TMEM114: variants seen among roughly 807,000 people sequenced by gnomAD.
TMEM114 encodes the protein claudin-26.
TMEM114 carries 6 observed loss-of-function variants against 6.2 expected under a neutral mutation model. The ratio of observed to expected loss-of-function variants is 0.97; its 90% confidence interval spans 0.53 to 1.91. The LOEUF (loss-of-function observed/expected upper bound fraction) is 1.91, where lower values mean the gene tolerates loss of function less well. Ranked by LOEUF, TMEM114 falls within the 40% of genes most tolerant of loss-of-function variation. TMEM114 has a pLI of 0.01. For missense variants in TMEM114, 218 were observed against 158.3 expected, an observed-to-expected ratio of 1.38 and a Z score of -2.02; for synonymous variants, 104 against 73.0, an observed-to-expected ratio of 1.42 and a Z score of -2.16.
chr16:8,532,423 C>G, the TMEM114 span, among the ~76,000 whole-genome samples: 2 of 151,988 alleles, frequency 1.3e-5, no homozygotes, highest in African/African-American at 4.8e-5. Flanking sequence ...TGAATCTGAC[C>G]CTAGTATTAT....
chr16:8,533,207 T>C (rs929721289), downstream of TMEM114, among the ~76,000 whole-genome samples: 2 of 152,140 alleles, frequency 1.3e-5, no homozygotes, highest in East Asian at 1.9e-4. Flanking sequence ...AAGTAATTGA[T>C]GGAGAATTGT....
At chr16:8,565,027 G>A (rs1429006046), downstream of TMEM114, among the ~76,000 whole-genome samples, 3 of 151,860 alleles carry the variant, frequency 2.0e-5, no homozygotes, top group Non-Finnish European at 4.4e-5. Flanking sequence ...ATACATGAGT[G>A]AGTGAATGAG....
intron 2 of TMEM114, among the ~76,000 whole-genome samples, chr16:8,559,082 A>T (rs1280820437): frequency 1.3e-5 from 2 of 151,026 alleles, no homozygotes; most frequent in Non-Finnish European, 2.9e-5. Flanking sequence ...TTGCTGTGTC[A>T]CCCAGGCTGG....
chr16:8,543,545 C>A (rs1032108673), intron 2 of TMEM114, among the ~76,000 whole-genome samples: 4 of 151,912 alleles, frequency 2.6e-5, no homozygotes, highest in Non-Finnish European at 5.9e-5. Flanking sequence ...CTAGGACACC[C>A]CTCCCACCGA....
downstream of TMEM114, among the ~76,000 whole-genome samples, chr16:8,565,830 T>C (rs539021299): frequency 1.2e-4 from 19 of 152,280 alleles, no homozygotes; most frequent in African/African-American, 4.6e-4. Context: ...TGCATTTGGC[T>C]CCATTGGGGC....
At chr16:8,563,590 T>TGAGA (rs1166853348) in intron 2 of TMEM114, among the ~76,000 whole-genome samples, 1 of 19,588 alleles carries the variant, frequency 5.1e-5, no homozygotes, top group Non-Finnish European at 1.3e-4. Context: ...AGTGAGTGAA[T>TGAGA]GAGTGTGTGA....
intron 2 of TMEM114, among the ~76,000 whole-genome samples, chr16:8,550,106 G>C (rs1387519424): frequency 6.6e-6 from 1 of 152,216 alleles, no homozygotes; most frequent in Non-Finnish European, 1.5e-5. Flanking sequence ...ATGGGAGAAA[G>C]ATGAAGGCCA....
chr16:8,554,318 G>T (rs542639674), intron 2 of TMEM114, among the ~76,000 whole-genome samples: 122 of 152,196 alleles, frequency 8.0e-4, no homozygotes, highest in African/African-American at 2.6e-3. Context: ...CCCTTTGGGA[G>T]GCCAAGGCAG....
intron 2 of TMEM114, among the ~76,000 whole-genome samples, chr16:8,555,997 C>T (rs1900999122): frequency 1.3e-5 from 2 of 152,220 alleles, no homozygotes; most frequent in East Asian, 1.9e-4. Context: ...CATGAATTTA[C>T]TATCTACTCC....
intron 2 of TMEM114, among the ~76,000 whole-genome samples, chr16:8,553,739 C>T (rs541258549): frequency 1.3e-5 from 2 of 152,194 alleles, no homozygotes; most frequent in Non-Finnish European, 2.9e-5. Context: ...CCTCGGCCTC[C>T]CAAAGTGCTG....
rs117181408 is a variant in TMEM114 at position 8,576,771 on chromosome 16, T to G, written c.302-4547A>C. Among the ~76,000 whole-genome samples, 58 of 147,248 alleles carry G rather than the reference T, an allele frequency of 3.9e-4. No individual in the cohort carries two copies. In the East Asian group the frequency reaches 4.2e-3, roughly 11 times the overall value. ...GGAAGGAAGGAAGGAAGGAAGGAAA[T>G]TGAGCATTTACTGAGCATCTAATAG... is the stretch of plus-strand genomic sequence containing the variant. On this transcript the variant is annotated intron_variant, in intron 2 of 3. Coordinates refer to ENST00000620492, the MANE Select transcript of TMEM114 (RefSeq NM_001146336.2).
chr16:8,577,244 T>C (rs1901971511), intron 2 of TMEM114, among the ~76,000 whole-genome samples: 1 of 152,230 alleles, frequency 6.6e-6, no homozygotes, highest in Admixed American at 6.5e-5. Context: ...GGCCCTTTCC[T>C]TCTCCCACAG....
In TMEM114 at chr16:8,590,503, G is replaced by T. The variant is rs1463376626; in HGVS notation, c.-665C>A. 2.6e-5 allele frequency among the ~76,000 whole-genome samples: 4 copies of T among 152,186 alleles called. No homozygotes were observed. The highest frequency in any genetic ancestry group is 9.6e-5 in the African/African-American group (4 of 41,456). On this transcript the variant is annotated 5_prime_UTR_variant, in exon 1 of 4. Coordinates refer to ENST00000620492, the MANE Select transcript of TMEM114 (RefSeq NM_001146336.2). ...GAGCCCTCCTCCTCGCCGAGGAAAA[G>T]CTCGGAGTGCGCACGCAGCATGGAC... is the stretch of plus-strand genomic sequence containing the variant.
downstream of TMEM114, among the ~76,000 whole-genome samples, chr16:8,533,252 A>G (rs552431169): frequency 6.6e-6 from 1 of 152,334 alleles, no homozygotes; most frequent in South Asian, 2.1e-4. Flanking sequence ...TAGTTCAAGA[A>G]TATATCCTCA....
intron 2 of TMEM114, among the ~76,000 whole-genome samples, chr16:8,544,997 A>G (rs753712782): frequency 1.3e-5 from 2 of 151,820 alleles, no homozygotes; most frequent in Non-Finnish European, 2.9e-5. Context: ...ATTGAAATGC[A>G]GTTTCCACAG....
chr16:8,531,143 G>C, the TMEM114 span, among the ~76,000 whole-genome samples: 1 of 152,318 alleles, frequency 6.6e-6, no homozygotes, highest in East Asian at 1.9e-4. Context: ...TGAAAATGTA[G>C]ACAACAACAC....
intron 2 of TMEM114, among the ~76,000 whole-genome samples, chr16:8,580,223 A>T (rs1381642371): frequency 6.6e-6 from 1 of 152,212 alleles, no homozygotes; most frequent in Admixed American, 6.5e-5. Flanking sequence ...GGCACGATGC[A>T]TGCCTGTAAT....
At chr16:8,544,054 C>T (rs79237418) in intron 2 of TMEM114, among the ~76,000 whole-genome samples, 1 of 152,068 alleles carries the variant, frequency 6.6e-6, no homozygotes, top group Non-Finnish European at 1.5e-5. Context: ...ATAACAACAG[C>T]ATTAGCCTAG....
chr16:8,564,386 GGAATGAGTGAGTGAGT>G (rs1175633758), intron 2 of TMEM114, among the ~76,000 whole-genome samples: 5 of 136,932 alleles, frequency 3.7e-5, no homozygotes, highest in South Asian at 2.4e-4. Flanking sequence ...AATGAGTGAG[GGAATGAGTGAGTGAGT>G]GAATGAGTGA....
Sources: gnomAD v4.1 joint callset for allele counts (sites outside exome capture counted in the v4.1 genomes callset) on GRCh38, gnomAD v4.1.1 for gene constraint, MANE v1.5 for transcripts, NCBI Gene and HGNC (gene_info 2026-07-23, HGNC 2026-07-21) for gene names.